Variants in MARCHF1 observed in about 807,000 individuals in gnomAD.
MARCHF1 encodes E3 ubiquitin-protein ligase MARCHF1.
Under a neutral mutation model 54.2 loss-of-function variants are expected in MARCHF1, and 40 were observed. That is an observed-to-expected ratio of 0.74 (90% CI 0.57 to 0.96). MARCHF1 has a LOEUF of 0.96. MARCHF1 is among the 40% of genes least tolerant of loss of function. The pLI, the probability that MARCHF1 is intolerant of heterozygous loss-of-function variation, is 0.00. For synonymous variants in MARCHF1, 236 were observed against 236.3 expected, an observed-to-expected ratio of 1.00 and a Z score of 0.01; for missense variants, 586 against 656.5, an observed-to-expected ratio of 0.89 and a Z score of 1.17.
chr4:164,008,806 C>G (rs371278265), intron 2 of MARCHF1, among the ~76,000 whole-genome samples: 4 of 151,670 alleles, frequency 2.6e-5, no homozygotes, highest in African/African-American at 9.7e-5. Flanking sequence ...ATATAACATA[C>G]CAAAATATAT....
chr4:164,340,856 C>T (rs1356718932), intron 1 of MARCHF1, among the ~76,000 whole-genome samples: 2 of 150,680 alleles, frequency 1.3e-5, no homozygotes, highest in African/African-American at 4.9e-5. Context: ...CTGTGCTGGG[C>T]CCAAATTCAT....
chr4:163,995,463 G>A (rs756508890), intron 2 of MARCHF1, among the ~76,000 whole-genome samples: 3 of 151,956 alleles, frequency 2.0e-5, no homozygotes, highest in Non-Finnish European at 4.4e-5. Flanking sequence ...TGGAGGAGGG[G>A]TTGGGCTAAA....
chr4:163,703,641 G>C (rs1744870153), intron 4 of MARCHF1, among the ~76,000 whole-genome samples: 1 of 152,208 alleles, frequency 6.6e-6, no homozygotes, highest in East Asian at 1.9e-4. Flanking sequence ...GAAGCAACAA[G>C]AGTTCCTAAC....
intron 1 of MARCHF1, among the ~76,000 whole-genome samples, chr4:164,125,963 G>C (rs544068851): frequency 6.6e-6 from 1 of 152,302 alleles, no homozygotes; most frequent in South Asian, 2.1e-4. Flanking sequence ...CTGGTCCCTG[G>C]TGTCAAAAAG....
chr4:164,339,654 T>A (rs1729857267), intron 1 of MARCHF1, among the ~76,000 whole-genome samples: 1 of 152,094 alleles, frequency 6.6e-6, no homozygotes, highest in African/African-American at 2.4e-5. Context: ...ACTTCACACC[T>A]TCAGGAATTT....
chr4:164,105,439 A>C (rs1755670049), intron 2 of MARCHF1, among the ~76,000 whole-genome samples: 2 of 149,890 alleles, frequency 1.3e-5, no homozygotes, highest in Non-Finnish European at 3.0e-5. Context: ...GGAACAGAAC[A>C]GAGCCCTCAG....
intron 5 of MARCHF1, among the ~76,000 whole-genome samples, chr4:163,625,192 C>G (rs897662668): frequency 3.3e-5 from 5 of 152,180 alleles, no homozygotes; most frequent in Admixed American, 6.5e-5. Context: ...GAATTTCCCT[C>G]AAGGTCCAGT....
rs145489264 is a variant in MARCHF1 at position 163,853,108 on chromosome 4, T to G, written c.111+913A>C. Among the ~76,000 whole-genome samples, 439 of 152,312 alleles carry G rather than the reference T, an allele frequency of 2.9e-3. 1 individual carries two copies. Among genetic ancestry groups the G allele is most frequent in the Non-Finnish European group, 4.6e-3 (310 of 68,022 alleles). On this transcript the variant is annotated intron_variant, in intron 4 of 9. Transcript: ENST00000514618. ...GAAATAAATTTTTGTTTTTTATAAGTTACCAGTTTATGGTATTTTGTAATA... is the reference window on the plus strand; with the variant it reads ...GAAATAAATTTTTGTTTTTTATAAGGTACCAGTTTATGGTATTTTGTAATA...
intron 3 of MARCHF1, among the ~76,000 whole-genome samples, chr4:163,973,090 C>A (rs1752581835): frequency 6.6e-6 from 1 of 152,166 alleles, no homozygotes; most frequent in African/African-American, 2.4e-5. Flanking sequence ...CTGAATTTAA[C>A]TTCTTCAAAG....
At chr4:163,680,653 T>C (rs1744072436) in intron 5 of MARCHF1, among the ~76,000 whole-genome samples, 1 of 152,216 alleles carries the variant, frequency 6.6e-6, no homozygotes, top group African/African-American at 2.4e-5. Flanking sequence ...GGAGTGTTTC[T>C]TGCCATTCTA....
At chr4:163,748,688 C>T (rs921599382) in intron 4 of MARCHF1, among the ~76,000 whole-genome samples, 4 of 152,188 alleles carry the variant, frequency 2.6e-5, no homozygotes, top group Non-Finnish European at 4.4e-5. Flanking sequence ...GGCCAGGGAT[C>T]GCCTTTCAAG....
chr4:164,197,392 T>G (rs768386972), intron 1 of MARCHF1: 1 of 1,613,374 alleles, frequency 6.2e-7, no homozygotes, highest in Non-Finnish European at 8.5e-7. Context: ...GTTTTCTAAC[T>G]GTTTCAGTGG....
intron 1 of MARCHF1, among the ~76,000 whole-genome samples, chr4:164,149,725 T>C (rs1225645381): frequency 2.6e-5 from 4 of 152,108 alleles, no homozygotes; most frequent in African/African-American, 9.7e-5. Flanking sequence ...TGGATATACT[T>C]AAAGTGAGAT....
intron 1 of MARCHF1, among the ~76,000 whole-genome samples, chr4:164,233,322 C>A (rs1388687574): frequency 2.0e-5 from 3 of 151,994 alleles, no homozygotes; most frequent in Admixed American, 2.0e-4. Flanking sequence ...GAATTTCTGT[C>A]TTATTAACCT....
chr4:163,907,420 T>C (rs1369755657), intron 3 of MARCHF1, among the ~76,000 whole-genome samples: 1 of 152,072 alleles, frequency 6.6e-6, no homozygotes, highest in East Asian at 1.9e-4. Context: ...AAAACAGTTA[T>C]GTATTGAAGG....
At chr4:164,140,461 G>A (rs372363969) in intron 1 of MARCHF1, among the ~76,000 whole-genome samples, 96 of 152,124 alleles carry the variant, frequency 6.3e-4, no homozygotes, top group African/African-American at 2.1e-3. Flanking sequence ...ACAATGAGAT[G>A]CCAGACCCCT....
At chr4:163,941,764 G>A (rs913435449) in intron 3 of MARCHF1, among the ~76,000 whole-genome samples, 2 of 152,132 alleles carry the variant, frequency 1.3e-5, no homozygotes, top group African/African-American at 4.8e-5. Context: ...ATATCACAGA[G>A]TTGTTGCAGT....
intron 1 of MARCHF1, among the ~76,000 whole-genome samples, chr4:164,230,124 G>A (rs138825070): frequency 2.6e-4 from 40 of 152,188 alleles, no homozygotes; most frequent in East Asian, 9.7e-4. Context: ...GGCTGGGCAC[G>A]GTGCCTCATG....
chr4:163,814,116 T>A (rs1748469447), intron 4 of MARCHF1, among the ~76,000 whole-genome samples: 1 of 152,174 alleles, frequency 6.6e-6, no homozygotes, highest in African/African-American at 2.4e-5. Flanking sequence ...TTATCTCAAG[T>A]AGCAGAATAT....
Sources: allele counts gnomAD v4.1 joint callset (sites outside exome capture counted in the v4.1 genomes callset), GRCh38; gene constraint gnomAD v4.1.1; transcripts MANE v1.5; gene names NCBI Gene and HGNC (gene_info 2026-07-23, HGNC 2026-07-21).